Variants in CDIP1 observed in about 807,000 individuals in gnomAD.
The protein encoded by CDIP1 is cell death-inducing p53-target protein 1.
A neutral mutation model predicts 17.7 loss-of-function variants in CDIP1; 9 were observed. That is an observed-to-expected ratio of 0.51 (90% CI 0.31 to 0.89). CDIP1 has a LOEUF of 0.89. Among genes scored for constraint, CDIP1 ranks in the 40% least tolerant of loss-of-function variants. CDIP1 has a pLI of 0.05. For synonymous variants in CDIP1, 117 were observed against 109.5 expected (o/e 1.07, Z -0.43); for missense variants, 263 against 277.9 (o/e 0.95, Z 0.38).
At chr16:4,533,490 G>C (rs897757845) in intron 1 of CDIP1, 1 of 152,298 alleles carries the variant, frequency 6.6e-6, no homozygotes, top group African/African-American at 2.4e-5. Context: ...CACTCCCATT[G>C]CCAAACTGGA....
intron 1 of CDIP1, among the ~76,000 whole-genome samples, chr16:4,519,938 C>T (rs1383957276): frequency 3.3e-5 from 5 of 152,162 alleles, no homozygotes; most frequent in Non-Finnish European, 7.3e-5. Context: ...ACCAAATACT[C>T]TCTTTTCTTT....
At chr16:4,516,068 C>T (rs1041905216) in intron 1 of CDIP1, among the ~76,000 whole-genome samples, 6 of 152,104 alleles carry the variant, frequency 3.9e-5, no homozygotes, top group Non-Finnish European at 8.8e-5. Flanking sequence ...CGTAGGCTGC[C>T]CAGACAATGG....
chr16:4,524,276 A>G (rs972203404), intron 1 of CDIP1: 12 of 152,222 alleles, frequency 7.9e-5, no homozygotes, highest in African/African-American at 2.9e-4. Context: ...ACCCATACAG[A>G]GCTGTGCTGT....
At chr16:4,522,119 C>T (rs1018241976) in intron 1 of CDIP1, among the ~76,000 whole-genome samples, 2 of 152,194 alleles carry the variant, frequency 1.3e-5, no homozygotes, top group Non-Finnish European at 2.9e-5. Context: ...AAAACCCTCC[C>T]TAAGAACTCA....
intron 1 of CDIP1, chr16:4,524,252 A>G (rs1166538836): frequency 6.6e-6 from 1 of 152,232 alleles, no homozygotes; most frequent in East Asian, 1.9e-4. Context: ...ATGAATTACT[A>G]CGCAGATACC....
At chr16:4,535,698 TAGG>T (rs1464207534) in intron 1 of CDIP1, among the ~76,000 whole-genome samples, 1 of 151,908 alleles carries the variant, frequency 6.6e-6, no homozygotes, top group Non-Finnish European at 1.5e-5. Flanking sequence ...ACTCACAGAG[TAGG>T]AGAAGTGGTG....
chr16:4,512,533 C>T lies in CDIP1; in HGVS notation c.*39G>A, dbSNP rs748873367. On this transcript the variant is annotated 3_prime_UTR_variant, in exon 6 of 6. Coordinates refer to ENST00000567695, the MANE Select transcript of CDIP1 (RefSeq NM_013399.3). The surrounding 1 kb of genome is among the most constrained non-coding windows in gnomAD (Gnocchi z 4.6). ...AGCACAGGGAGCAAAGCACAGGGGG[C>T]CAGACTGACAGGCGGGGGAGTCCCG... The T allele has an allele frequency of 1.4e-6, 2 of 1,450,396 alleles. No individual in the cohort carries two copies. The highest frequency in any genetic ancestry group is 1.9e-6 in the Non-Finnish European group (2 of 1,031,464). 89.8% of individuals were successfully genotyped at this position (1,450,396 alleles called of 1,614,324 possible).
In CDIP1 at chr16:4,514,100, C is replaced by A; in HGVS notation, c.31G>T (p.Gly11Trp). The A allele has an allele frequency of 6.5e-7, 1 of 1,544,002 alleles. No individual in the cohort carries two copies. The highest frequency in any genetic ancestry group is 1.3e-5 in the South Asian group (1 of 79,992). ...TCCAGAAGTGGGGCTGTGGGGCCCC[C>A]AGGATAAGGAGGGGGAGGCTCGCTG... MSSEPPPPYPGGPTAPLLEEK... is the reference protein window; with the variant it reads MSSEPPPPYPWGPTAPLLEEK... The change falls in exon 3 of 6, where the codon GGG (glycine) becomes TGG (tryptophan). Residue 11 changes from glycine (G) to tryptophan (W), a missense_variant. Gly to Trp is a radical substitution (Grantham distance 184). Transcript: ENST00000567695. This position sits in a 1 kb window ranked among gnomAD's most constrained non-coding sequence, Gnocchi z 5.2.
chr16:4,533,270 C>T (rs1173976799), intron 1 of CDIP1: 3 of 152,282 alleles, frequency 2.0e-5, no homozygotes, highest in Non-Finnish European at 4.4e-5. Context: ...AATGGAGTCA[C>T]TCATAACATG....
intron 1 of CDIP1, among the ~76,000 whole-genome samples, chr16:4,531,456 G>A (rs1454046543): frequency 1.3e-5 from 2 of 152,100 alleles, no homozygotes; most frequent in African/African-American, 2.4e-5. Flanking sequence ...GTCTGCTCCT[G>A]GCCAGAGAAC....
chr16:4,529,184 G>A (rs1343718559), intron 1 of CDIP1, among the ~76,000 whole-genome samples: 1 of 152,072 alleles, frequency 6.6e-6, no homozygotes, highest in Non-Finnish European at 1.5e-5. Context: ...AGTCAGTTCT[G>A]CCAGATCACC....
In CDIP1 at chr16:4,512,228, A is replaced by T. The variant is rs1208079950; in HGVS notation, c.*344T>A. The stretch of plus-strand genomic sequence containing the variant: ...GCTGCTGTTGGTCCCAGGGGGAAAG[A>T]GTCTGGACTGAACCTGTACCTTGTT... On this transcript the variant is annotated 3_prime_UTR_variant, in exon 6 of 6. Coordinates refer to ENST00000567695, the MANE Select transcript of CDIP1 (RefSeq NM_013399.3). The surrounding 1 kb of genome is among the most constrained non-coding windows in gnomAD (Gnocchi z 4.6). The T allele has an allele frequency of 2.8e-6, 1 of 355,498 alleles. No homozygotes were observed. Among genetic ancestry groups the T allele is most frequent in the African/African-American group, 2.1e-5 (1 of 47,720 alleles). 22.0% of individuals were successfully genotyped at this position (355,498 alleles called of 1,614,324 possible).
At chr16:4,526,960 C>T (rs572157519) in intron 1 of CDIP1, among the ~76,000 whole-genome samples, 2 of 151,772 alleles carry the variant, frequency 1.3e-5, no homozygotes, top group Non-Finnish European at 2.9e-5. Flanking sequence ...TGTGATATGG[C>T]GGTAGGAGCA....
At chr16:4,521,806 C>G (rs372214792) in intron 1 of CDIP1, among the ~76,000 whole-genome samples, 1 of 151,834 alleles carries the variant, frequency 6.6e-6, no homozygotes, top group East Asian at 1.9e-4. Flanking sequence ...AGCTGAGCCT[C>G]GGTTTCTTCC....
intron 1 of CDIP1, chr16:4,533,706 C>G (rs1322927625): frequency 6.6e-6 from 1 of 151,880 alleles, no homozygotes; most frequent in Non-Finnish European, 1.5e-5. Flanking sequence ...ATCCCCCCAC[C>G]CTTCCCAAGC....
chr16:4,527,959 C>A lies in CDIP1; in HGVS notation c.-105+10743G>T, dbSNP rs370655223. Among the ~76,000 whole-genome samples, 17 of 151,848 alleles carry A rather than the reference C, an allele frequency of 1.1e-4. No individual in the cohort carries two copies. In the East Asian group the frequency reaches 3.3e-3, roughly 29 times the overall value. ...AGCCTCCTGAATAACAAGGATTACA[C>A]GCACCCGCCACTAAGCCTGGCTAAT... On this transcript the variant is annotated intron_variant, in intron 1 of 5. Coordinates refer to ENST00000567695, the MANE Select transcript of CDIP1 (RefSeq NM_013399.3).
In CDIP1 at chr16:4,525,385, G is replaced by A. The variant is rs1054864706; in HGVS notation, c.-104-10721C>T. Among the ~76,000 whole-genome samples the A allele has an allele frequency of 3.3e-5, 5 of 152,294 alleles. No individual in the cohort carries two copies. In the South Asian group the frequency reaches 1.0e-3, roughly 32 times the overall value. On this transcript the variant is annotated intron_variant, in intron 1 of 5. Transcript: ENST00000567695. The stretch of plus-strand genomic sequence containing the variant: ...ATTTCAGCATGAGCACTGGCTCAAG[G>A]AGGAGCTGAGGAGGACGATGGCGTG...
intron 1 of CDIP1, chr16:4,524,038 G>C (rs2058976435): frequency 6.6e-6 from 1 of 152,376 alleles, no homozygotes; most frequent in Middle Eastern, 3.4e-3. Context: ...AAAGACAGCG[G>C]TCTTCTTTGC....
intron 1 of CDIP1, among the ~76,000 whole-genome samples, chr16:4,529,489 GA>G (rs1195739049): frequency 6.6e-6 from 1 of 152,174 alleles, no homozygotes; most frequent in Non-Finnish European, 1.5e-5. Flanking sequence ...TGCTAGCAGA[GA>G]AAATGAAGGA....
Sources: gnomAD v4.1 joint callset for allele counts (sites outside exome capture counted in the v4.1 genomes callset) on GRCh38, gnomAD v4.1.1 for gene constraint, Gnocchi (gnomAD v3.1) non-coding constraint, MANE v1.5 for transcripts, NCBI Gene and HGNC (gene_info 2026-07-23, HGNC 2026-07-21) for gene names.